The following NAV1 variants were observed in gnomAD, a reference collection of about 807,000 sequenced individuals.
NAV1 encodes the protein neuron navigator 1.
A neutral mutation model predicts 175.2 loss-of-function variants in NAV1; 18 were observed. The observed-to-expected ratio is 0.10, with a 90% CI of 0.07 to 0.15. The LOEUF (loss-of-function observed/expected upper bound fraction) is 0.15, where lower values mean the gene tolerates loss of function less well. Ranked by LOEUF, NAV1 falls within the 10% of genes least tolerant of loss-of-function variation. The pLI is 1.00. For missense variants in NAV1, 1,731 were observed against 2,436.6 expected, an observed-to-expected ratio of 0.71 and a Z score of 6.10; for synonymous variants, 897 against 978.7, an observed-to-expected ratio of 0.92 and a Z score of 1.56.
chr1:201,769,849 T>C (rs1202429931), intron 3 of NAV1, among the ~76,000 whole-genome samples: 2 of 152,242 alleles, frequency 1.3e-5, no homozygotes, highest in Non-Finnish European at 1.5e-5. Context: ...TAGAGTTCCA[T>C]GTATACAGCT....
rs1373435366 is a variant in NAV1, at chr1:201,790,464, C to T, written c.3220-90C>T. 1.2e-5 allele frequency: 17 copies of T among 1,453,840 alleles called. No homozygotes were observed. In the Admixed American group the frequency reaches 1.5e-4, roughly 13 times the overall value. 90.1% of individuals were successfully genotyped at this position (1,453,840 alleles called of 1,614,324 possible). On this transcript the variant is annotated intron_variant, in intron 11 of 29. Transcript: ENST00000367296. ...CTCTGAGTCATGCTTCTTCACATTT[C>T]CTACCCTGCCACTGGGACCTGACTT...
At chr1:201,804,813 C>T (rs956850291) in intron 17 of NAV1, among the ~76,000 whole-genome samples, 1 of 152,172 alleles carries the variant, frequency 6.6e-6, no homozygotes, top group Admixed American at 6.5e-5. Context: ...AAATTGAGCT[C>T]CTCCTATCCA....
chr1:201,808,451 G>C lies in NAV1; in HGVS notation c.3879G>C (p.Leu1293=), dbSNP rs1678456705. Residue 1293 remains leucine, a synonymous_variant, in exon 19 of 30, where the codon CTG becomes CTC. Coordinates refer to ENST00000367296, the Ensembl canonical transcript of NAV1. The surrounding 1 kb of genome is among the most constrained non-coding windows in gnomAD (Gnocchi z 5.5). ...CTCACCCAGCCCCCCACACTAGGCTGTTCCATGCAAATGAGGAGGAGGAGC... is the reference window on the plus strand; with the variant it reads ...CTCACCCAGCCCCCCACACTAGGCTCTTCCATGCAAATGAGGAGGAGGAGC... 6.2e-7 allele frequency: 1 copy of C among 1,614,172 alleles called. No individual in the cohort carries two copies. The highest frequency in any genetic ancestry group is 8.5e-7 in the Non-Finnish European group (1 of 1,180,006).
chr1:201,692,345 G>T (rs978876491), intron 1 of NAV1, among the ~76,000 whole-genome samples: 5 of 152,210 alleles, frequency 3.3e-5, no homozygotes, highest in South Asian at 2.1e-4. Flanking sequence ...TGAAAGTAGG[G>T]TGCTCAGGTG....
At chr1:201,797,765 A>G (rs1677554474) in intron 15 of NAV1, 2 of 152,132 alleles carry the variant, frequency 1.3e-5, no homozygotes, top group African/African-American at 4.8e-5. Context: ...TTGTTTTCTT[A>G]ATTTCTCTTT....
chr1:201,544,687 C>T (rs1040071671), intron 1 of NAV1, among the ~76,000 whole-genome samples: 2 of 152,182 alleles, frequency 1.3e-5, no homozygotes, highest in African/African-American at 4.8e-5. Context: ...GTGGGCTTCA[C>T]CAAAATGCAT....
At chr1:201,783,657 A>G in exon 7 of NAV1, 1 of 1,614,166 alleles carries the variant, frequency 6.2e-7, no homozygotes, top group Admixed American at 1.7e-5. Flanking sequence ...AGTGTGCCAA[A>G]AGAGACCCGC....
intron 3 of NAV1, among the ~76,000 whole-genome samples, chr1:201,758,623 TG>T (rs1674653227): frequency 6.6e-6 from 1 of 152,226 alleles, no homozygotes; most frequent in Non-Finnish European, 1.5e-5. Flanking sequence ...AAATTTGACC[TG>T]GAGACTACCT....
chr1:201,670,793 A>T (rs1327724539), intron 1 of NAV1, among the ~76,000 whole-genome samples: 2 of 151,394 alleles, frequency 1.3e-5, no homozygotes, highest in African/African-American at 2.4e-5. Context: ...GGTAGAGATT[A>T]TGGTGATGTT....
chr1:201,816,003 G>C lies in NAV1; in HGVS notation c.5341-1085G>C, dbSNP rs561131485. Among the ~76,000 whole-genome samples, 3 of 152,194 alleles carry C rather than the reference G, an allele frequency of 2.0e-5. No homozygotes were observed. The South Asian group carries it at 6.2e-4, about 32-fold the overall frequency. On this transcript the variant is annotated intron_variant, in intron 28 of 29. Transcript: ENST00000367296. Reference sequence around the variant, plus strand: ...TCTTCCCACCTCGGCCTCCCAAAGTGCTGGGATTATAGGTGTGAGCCATCG... The same window carrying C: ...TCTTCCCACCTCGGCCTCCCAAAGTCCTGGGATTATAGGTGTGAGCCATCG...
At chr1:201,743,548 G>T (rs1997626) in intron 3 of NAV1, among the ~76,000 whole-genome samples, 1 of 152,194 alleles carries the variant, frequency 6.6e-6, no homozygotes, top group Non-Finnish European at 1.5e-5. Flanking sequence ...ATGAGAAAAT[G>T]TGAAGAGCAG....
chr1:201,790,631 C>T, intron 12 of NAV1, 54 bp downstream of exon 16: 1 of 1,613,962 alleles, frequency 6.2e-7, no homozygotes, highest in African/African-American at 1.3e-5. Context: ...CCTCATTTTC[C>T]TTCCAAATCT....
chr1:201,657,194 T>C (rs895962306), intron 1 of NAV1, among the ~76,000 whole-genome samples: 2 of 152,226 alleles, frequency 1.3e-5, no homozygotes, highest in African/African-American at 2.4e-5. Context: ...TCATTGTTCT[T>C]GTTCCTCAAG....
chr1:201,782,960 T>C lies in NAV1; in HGVS notation c.2357+91T>C, dbSNP rs906521748. On this transcript the variant is annotated intron_variant, in intron 6 of 29. Transcript: ENST00000367296. This position sits in a 1 kb window ranked among gnomAD's most constrained non-coding sequence, Gnocchi z 5.4. ...TCCTTGGACTAGATGAGGCATGGCC[T>C]ATCCACCGTTGTCTCTAGGCCTTTG... The C allele has an allele frequency of 1.4e-5, 16 of 1,123,246 alleles. No homozygotes were observed. The African/African-American group carries it at 1.7e-4, about 12-fold the overall frequency. 69.6% of individuals were successfully genotyped at this position (1,123,246 alleles called of 1,614,324 possible). A position where few individuals can be genotyped will look rare whatever the true frequency, so the allele number is the denominator to read the frequency against.
chr1:201,643,481 G>A (rs948961114), upstream of NAV1, among the ~76,000 whole-genome samples: 1 of 148,180 alleles, frequency 6.7e-6, no homozygotes, highest in African/African-American at 2.5e-5. Context: ...TGGCACAGTA[G>A]TGCAACCTCA....
At chr1:201,558,431 G>A (rs1666099455) in intron 1 of NAV1, among the ~76,000 whole-genome samples, 2 of 152,140 alleles carry the variant, frequency 1.3e-5, no homozygotes, top group Admixed American at 6.6e-5. Flanking sequence ...GACAAAATTT[G>A]TCTGGGATCT....
At chr1:201,815,839 A>G in intron 28 of NAV1, among the ~76,000 whole-genome samples, 1 of 152,058 alleles carries the variant, frequency 6.6e-6, no homozygotes, top group East Asian at 1.9e-4. Flanking sequence ...CTCAGGTTCA[A>G]GCGATTCTCC....
At chr1:201,568,533 C>T (rs942159938) in intron 1 of NAV1, among the ~76,000 whole-genome samples, 2 of 152,138 alleles carry the variant, frequency 1.3e-5, no homozygotes, top group Non-Finnish European at 2.9e-5. Context: ...ACACACATGA[C>T]CCCAAACATG....
chr1:201,807,598 C>G lies in NAV1; in HGVS notation c.3649-355C>G, dbSNP rs146959648. On this transcript the variant is annotated intron_variant, in intron 17 of 29. Coordinates refer to ENST00000367296, the Ensembl canonical transcript of NAV1. The surrounding 1 kb of genome is among the most constrained non-coding windows in gnomAD (Gnocchi z 5.4). ...ACAATTCCCCCTATGAGCAAGAGAACACCCAGGAAGTTCCCATAGCCTACA... is the reference window on the plus strand; with the variant it reads ...ACAATTCCCCCTATGAGCAAGAGAAGACCCAGGAAGTTCCCATAGCCTACA... Among the ~76,000 whole-genome samples, 133 of 152,336 alleles carry G rather than the reference C, an allele frequency of 8.7e-4. 1 individual carries two copies. The highest frequency in any genetic ancestry group is 3.4e-3 in the Middle Eastern group (1 of 294).
Sources: allele counts gnomAD v4.1 joint callset (sites outside exome capture counted in the v4.1 genomes callset), GRCh38; gene constraint gnomAD v4.1.1; non-coding constraint Gnocchi (gnomAD v3.1); transcripts MANE v1.5; gene names NCBI Gene and HGNC (gene_info 2026-07-23, HGNC 2026-07-21).